The following ARHGAP24 variants were observed in gnomAD, a reference collection of about 807,000 sequenced individuals.
ARHGAP24 encodes rho GTPase-activating protein 24.
A neutral mutation model predicts 76.4 loss-of-function variants in ARHGAP24; 50 were observed. That is an observed-to-expected ratio of 0.65 (90% CI 0.52 to 0.83). ARHGAP24 has a LOEUF of 0.83. Ranked by LOEUF, ARHGAP24 falls within the 40% of genes least tolerant of loss-of-function variation. ARHGAP24 has a pLI of 0.00. For missense variants in ARHGAP24, 930 were observed against 914.2 expected, an observed-to-expected ratio of 1.02 and a Z score of -0.22; for synonymous variants, 345 against 323.3, an observed-to-expected ratio of 1.07 and a Z score of -0.72.
chr4:85,729,681 A>G (rs1340067601), intron 3 of ARHGAP24, among the ~76,000 whole-genome samples: 2 of 152,200 alleles, frequency 1.3e-5, no homozygotes, highest in Non-Finnish European at 2.9e-5. Context: ...TTGTGACCAT[A>G]AGGTTTCCAC....
At chr4:85,933,865 C>T (rs953442105) in intron 4 of ARHGAP24, among the ~76,000 whole-genome samples, 5 of 152,168 alleles carry the variant, frequency 3.3e-5, no homozygotes, top group African/African-American at 1.2e-4. Context: ...TCGTGAACTA[C>T]TCCTTTCTTG....
At chr4:85,610,662 T>C (rs1273944067) in intron 2 of ARHGAP24, among the ~76,000 whole-genome samples, 1 of 151,574 alleles carries the variant, frequency 6.6e-6, no homozygotes, top group Non-Finnish European at 1.5e-5. Flanking sequence ...GATTTCTGAC[T>C]TGTGGTGGTT....
rs144827648 is a variant in ARHGAP24 at position 85,944,084 on chromosome 4, A to G, written c.599+1811A>G. On this transcript the variant is annotated intron_variant, in intron 5 of 9. Transcript: ENST00000395184. ...AATTTACATTCCCACCAACAGTGTA[A>G]AAGTGTTCCTATTTTTCTACGTCCT... 2.9e-3 allele frequency among the ~76,000 whole-genome samples: 442 copies of G among 152,264 alleles called. 2 individuals carry two copies. The highest frequency in any genetic ancestry group is 7.9e-3 in the African/African-American group (327 of 41,524).
At chr4:85,507,949 A>G (rs1183354024) in intron 1 of ARHGAP24, among the ~76,000 whole-genome samples, 1 of 152,182 alleles carries the variant, frequency 6.6e-6, no homozygotes, top group Non-Finnish European at 1.5e-5. Context: ...AATATGATTA[A>G]ATCAACTTAG....
In ARHGAP24 at chr4:85,643,404, G is replaced by A. The variant is rs1721603545; in HGVS notation, c.180+72683G>A. On this transcript the variant is annotated intron_variant, in intron 2 of 9. Transcript: ENST00000395184. ...CTCCCCAGTAGCTGGGACTACAGGC[G>A]CCCGCCACCGCGCCCGGCTAATTTT... Among the ~76,000 whole-genome samples the A allele has an allele frequency of 1.7e-5, 2 of 121,134 alleles. 1 individual carries two copies. The highest frequency in any genetic ancestry group is 3.4e-5 in the Non-Finnish European group (2 of 57,994). 79.5% of individuals were successfully genotyped at this position (121,134 alleles called of 152,430 possible).
intron 2 of ARHGAP24, among the ~76,000 whole-genome samples, chr4:85,641,780 G>A (rs1053456456): frequency 6.6e-6 from 1 of 152,160 alleles, no homozygotes; most frequent in Non-Finnish European, 1.5e-5. Context: ...GGTGAGGTAT[G>A]GGGGAAAGGG....
At chr4:85,859,788 A>G (rs1234559409) in intron 3 of ARHGAP24, among the ~76,000 whole-genome samples, 1 of 152,150 alleles carries the variant, frequency 6.6e-6, no homozygotes, top group Admixed American at 6.6e-5. Flanking sequence ...CTAATGAGAC[A>G]GCCTTTGCAG....
At chr4:85,652,726 C>G (rs1029072385) in intron 2 of ARHGAP24, among the ~76,000 whole-genome samples, 2 of 152,048 alleles carry the variant, frequency 1.3e-5, no homozygotes, top group Non-Finnish European at 2.9e-5. Context: ...TTGAGGGATG[C>G]AGAAACTGTG....
At chr4:85,802,681 C>G (rs1698542661) in intron 3 of ARHGAP24, among the ~76,000 whole-genome samples, 1 of 152,148 alleles carries the variant, frequency 6.6e-6, no homozygotes, top group East Asian at 1.9e-4. Context: ...ATCCCCGCTA[C>G]TCGGGAGGCT....
intron 1 of ARHGAP24, among the ~76,000 whole-genome samples, chr4:85,511,429 C>T (rs1184472351): frequency 6.6e-6 from 1 of 151,718 alleles, no homozygotes; most frequent in Non-Finnish European, 1.5e-5. Context: ...AAGAAATTCA[C>T]TGTCTTTATT....
chr4:85,594,480 A>G (rs2109983385), intron 2 of ARHGAP24, among the ~76,000 whole-genome samples: 1 of 152,204 alleles, frequency 6.6e-6, no homozygotes, highest in African/African-American at 2.4e-5. Flanking sequence ...GACTTCCAGA[A>G]CTTTGAAATC....
rs189468874 is a variant in ARHGAP24, at chr4:85,615,584, T to C, written c.180+44863T>C. Among the ~76,000 whole-genome samples, 50 of 152,294 alleles carry C rather than the reference T, an allele frequency of 3.3e-4. 1 individual carries two copies. In the East Asian group the frequency reaches 5.8e-3, roughly 18 times the overall value. ...GACTTGAGACATGTATGGTAGCTCA[T>C]ATATGTCTTTAAAATTGCTGGATGT... On this transcript the variant is annotated intron_variant, in intron 2 of 9. Transcript: ENST00000395184.
intron 2 of ARHGAP24, among the ~76,000 whole-genome samples, chr4:85,683,107 TGTGGGGGGGTGG>T (rs1396487793): frequency 7.8e-5 from 1 of 12,846 alleles, no homozygotes; most frequent in Non-Finnish European, 1.7e-4. Context: ...TCTCTCAGTG[TGTGGGGGGGTGG>T]GGGGGGGGTG....
intron 3 of ARHGAP24, among the ~76,000 whole-genome samples, chr4:85,804,958 G>A (rs1578244902): frequency 6.6e-6 from 1 of 152,102 alleles, no homozygotes; most frequent in Non-Finnish European, 1.5e-5. Context: ...TTAGTCAATG[G>A]CTTCTATTTC....
At chr4:85,493,555 A>G (rs1225097903) in intron 1 of ARHGAP24, among the ~76,000 whole-genome samples, 2 of 152,162 alleles carry the variant, frequency 1.3e-5, no homozygotes, top group Non-Finnish European at 2.9e-5. Flanking sequence ...AATTGTCCAC[A>G]TTTGACCATT....
intron 3 of ARHGAP24, among the ~76,000 whole-genome samples, chr4:85,877,927 G>A (rs1423293588): frequency 6.6e-6 from 1 of 151,776 alleles, no homozygotes; most frequent in East Asian, 1.9e-4. Flanking sequence ...CATACCTCAG[G>A]GTTTTATATT....
At chr4:85,882,702 G>A (rs1378538644) in intron 3 of ARHGAP24, among the ~76,000 whole-genome samples, 1 of 152,148 alleles carries the variant, frequency 6.6e-6, no homozygotes, top group Non-Finnish European at 1.5e-5. Flanking sequence ...TTTTCCAAAG[G>A]AGAATAGAGA....
At chr4:85,905,759 G>A (rs1414766558) in intron 3 of ARHGAP24, among the ~76,000 whole-genome samples, 1 of 152,226 alleles carries the variant, frequency 6.6e-6, no homozygotes, top group Admixed American at 6.5e-5. Context: ...TAGTAGGACT[G>A]TCAGAAGCAG....
At chr4:85,906,435 C>T (rs180811926) in intron 3 of ARHGAP24, among the ~76,000 whole-genome samples, 1 of 152,246 alleles carries the variant, frequency 6.6e-6, no homozygotes, top group Admixed American at 6.5e-5. Context: ...AAGCAAAAAT[C>T]AGTAATAGTG....
Sources: gnomAD v4.1 joint callset for allele counts (sites outside exome capture counted in the v4.1 genomes callset) on GRCh38, gnomAD v4.1.1 for gene constraint, MANE v1.5 for transcripts, NCBI Gene and HGNC (gene_info 2026-07-23, HGNC 2026-07-21) for gene names.